Variants in MAJIN observed in about 807,000 individuals in gnomAD.
The protein encoded by MAJIN is membrane anchored junction protein, also known as membrane-anchored junction protein.
MAJIN carries 27 observed loss-of-function variants against 30.2 expected under a neutral mutation model. That is an observed-to-expected ratio of 0.89 (90% CI 0.66 to 1.23). MAJIN has a LOEUF of 1.23. Among genes scored for constraint, MAJIN ranks in the 50% most tolerant of loss-of-function variants. The pLI is 0.00. For missense variants in MAJIN, 253 were observed against 260.3 expected (o/e 0.97, Z 0.19); for synonymous variants, 78 against 91.6 (o/e 0.85, Z 0.85).
chr11:64,971,867 G>A lies in MAJIN; in HGVS notation c.-65+10C>T, dbSNP rs1590713274. The A allele has an allele frequency of 1.3e-5, 2 of 152,368 alleles. No homozygotes were observed. The allele number at this position is 152,368 out of a possible 1,614,324, so 9.4% of individuals were successfully genotyped here. A position where few individuals can be genotyped will look rare whatever the true frequency, so the allele number is the denominator to read the frequency against. Reference sequence around the variant, plus strand: ...ACTTCCCGAGGGCCCGGGCCGTCGTGTGCCGTTACCTCAGCCCCAGGTGGT... The same window carrying A: ...ACTTCCCGAGGGCCCGGGCCGTCGTATGCCGTTACCTCAGCCCCAGGTGGT... On this transcript the variant is annotated intron_variant, in intron 1 of 10. Transcript: ENST00000301896.
At chr11:64,950,671 T>A (rs1190373092) in intron 4 of MAJIN, among the ~76,000 whole-genome samples, 1 of 152,148 alleles carries the variant, frequency 6.6e-6, no homozygotes, top group Non-Finnish European at 1.5e-5. Flanking sequence ...AATCTCTGCC[T>A]CCTGGGCTCA....
At chr11:64,963,197 C>T (rs1945754866) in intron 1 of MAJIN, among the ~76,000 whole-genome samples, 1 of 152,176 alleles carries the variant, frequency 6.6e-6, no homozygotes, top group South Asian at 2.1e-4. Flanking sequence ...TGAGACAGCA[C>T]ATACGTGCAA....
intron 10 of MAJIN, among the ~76,000 whole-genome samples, 174 bp from the exon 11 acceptor site, chr11:64,938,747 G>A (rs1254267441): frequency 1.3e-5 from 2 of 152,106 alleles, no homozygotes; most frequent in African/African-American, 4.8e-5. Context: ...ACTCAGGAGG[G>A]GGAAATAAAG....
intron 8 of MAJIN, among the ~76,000 whole-genome samples, chr11:64,943,966 C>T (rs928521302): frequency 2.0e-5 from 3 of 152,182 alleles, no homozygotes; most frequent in African/African-American, 7.2e-5. Flanking sequence ...GGCCAGCTGG[C>T]CACAGCACAA....
chr11:64,967,660 A>AG (rs1945833334), intron 1 of MAJIN, among the ~76,000 whole-genome samples: 2 of 152,166 alleles, frequency 1.3e-5, no homozygotes, highest in Non-Finnish European at 2.9e-5. Flanking sequence ...AGTAACCCGA[A>AG]CACAGTGGGC....
intron 1 of MAJIN, among the ~76,000 whole-genome samples, chr11:64,962,427 C>G (rs1945741991): frequency 7.0e-6 from 1 of 143,060 alleles, no homozygotes; most frequent in Non-Finnish European, 1.6e-5. Flanking sequence ...AGTACTGTGG[C>G]CATGGTGATA....
At chr11:64,941,229 C>T (rs1473800593) in intron 8 of MAJIN, among the ~76,000 whole-genome samples, 2 of 151,998 alleles carry the variant, frequency 1.3e-5, no homozygotes, top group Non-Finnish European at 2.9e-5. Context: ...CTGGGTTTAA[C>T]TTATCATCCC....
intron 3 of MAJIN, among the ~76,000 whole-genome samples, chr11:64,955,863 T>C (rs552164505): frequency 6.6e-6 from 1 of 152,338 alleles, no homozygotes; most frequent in African/African-American, 2.4e-5. Flanking sequence ...ACACATCATG[T>C]TACAAAATCA....
At chr11:64,967,844 T>A (rs1183541892) in intron 1 of MAJIN, among the ~76,000 whole-genome samples, 1 of 152,034 alleles carries the variant, frequency 6.6e-6, no homozygotes, top group African/African-American at 2.4e-5. Flanking sequence ...AGAGCAACAT[T>A]CAACATATAA....
intron 1 of MAJIN, among the ~76,000 whole-genome samples, chr11:64,962,322 T>G (rs895989279): frequency 6.6e-6 from 1 of 152,178 alleles, no homozygotes; most frequent in Non-Finnish European, 1.5e-5. Flanking sequence ...CATACACTAA[T>G]TACCTCATTT....
intron 1 of MAJIN, among the ~76,000 whole-genome samples, chr11:64,963,059 G>A (rs1185822517): frequency 2.6e-5 from 4 of 152,130 alleles, no homozygotes; most frequent in Admixed American, 6.6e-5. Flanking sequence ...CCCAGGTTGC[G>A]GAGGTTGCAG....
At chr11:64,968,266 A>G (rs576140803) in intron 1 of MAJIN, among the ~76,000 whole-genome samples, 1 of 152,156 alleles carries the variant, frequency 6.6e-6, no homozygotes, top group South Asian at 2.1e-4. Flanking sequence ...AAATATCTAA[A>G]TATCTATTCT....
chr11:64,947,963 G>A (rs1174909013), intron 6 of MAJIN, 144 bp from the exon 7 acceptor site: 7 of 707,058 alleles, frequency 9.9e-6, no homozygotes, highest in South Asian at 3.6e-5. Flanking sequence ...GAGTTCAAGC[G>A]ATTCTCCTCC....
At chr11:64,968,179 T>C (rs1043165863) in intron 1 of MAJIN, among the ~76,000 whole-genome samples, 3 of 152,190 alleles carry the variant, frequency 2.0e-5, no homozygotes, top group South Asian at 2.1e-4. Flanking sequence ...GTAAGGCTTG[T>C]AGGCCATTGT....
intron 9 of MAJIN, among the ~76,000 whole-genome samples, 189 bp downstream of exon 9, chr11:64,940,385 T>TG (rs1354922882): frequency 6.6e-6 from 1 of 152,124 alleles, no homozygotes; most frequent in Non-Finnish European, 1.5e-5. Context: ...TTCTGGGAGC[T>TG]GGGGGGCTTC....
chr11:64,963,729 T>C (rs2136813918), intron 1 of MAJIN, among the ~76,000 whole-genome samples: 1 of 152,070 alleles, frequency 6.6e-6, no homozygotes, highest in African/African-American at 2.4e-5. Context: ...TCCCAGCTAC[T>C]TGGGAGACTG....
At chr11:64,948,432 T>C (rs1462346105) in intron 6 of MAJIN, among the ~76,000 whole-genome samples, 2 of 150,216 alleles carry the variant, frequency 1.3e-5, no homozygotes, top group African/African-American at 4.9e-5. Context: ...GCACCCCTTT[T>C]CTTTTCTTTC....
rs748276259 is a variant in MAJIN at position 64,947,516 on chromosome 11, A to G, written c.382-51T>C. On this transcript the variant is annotated intron_variant, in intron 7 of 10. Coordinates refer to ENST00000301896, the MANE Select transcript of MAJIN (RefSeq NM_001037225.3). ...ACTCCTCCTTTCCAGAGTTGCTCAC[A>G]GTTCATGAAGGCACAGTGAAGAAAA... 6.5e-6 allele frequency: 10 copies of G among 1,548,606 alleles called. No individual in the cohort carries two copies. The East Asian group carries it at 9.0e-5, about 14-fold the overall frequency.
intron 1 of MAJIN, among the ~76,000 whole-genome samples, chr11:64,967,789 G>GTAATTGTT (rs1945835585): frequency 6.6e-6 from 1 of 152,138 alleles, no homozygotes; most frequent in Admixed American, 6.6e-5. Flanking sequence ...TAACAAGAGA[G>GTAATTGTT]ACATGATCCC....
Sources: allele counts gnomAD v4.1 joint callset (sites outside exome capture counted in the v4.1 genomes callset), GRCh38; gene constraint gnomAD v4.1.1; transcripts MANE v1.5; gene names NCBI Gene and HGNC (gene_info 2026-07-23, HGNC 2026-07-21).